SLC25A21: variants seen among roughly 807,000 people sequenced by gnomAD.
SLC25A21 encodes the protein mitochondrial 2-oxodicarboxylate carrier.
SLC25A21 carries 47 observed loss-of-function variants against 43.8 expected under a neutral mutation model. The observed-to-expected ratio is 1.07, with a 90% CI of 0.85 to 1.37. SLC25A21 has a LOEUF of 1.37. SLC25A21 is among the 40% of genes most tolerant of loss of function. The probability of loss-of-function intolerance (pLI) is 0.00; values close to 1 mark genes in which losing one functional copy is unlikely to be tolerated. For synonymous variants in SLC25A21, 131 were observed against 121.3 expected, an observed-to-expected ratio of 1.08 and a Z score of -0.52; for missense variants, 352 against 350.2, an observed-to-expected ratio of 1.00 and a Z score of -0.04.
intron 2 of SLC25A21, among the ~76,000 whole-genome samples, chr14:36,840,982 A>G (rs937090289): frequency 6.6e-6 from 1 of 152,232 alleles, no homozygotes; most frequent in Non-Finnish European, 1.5e-5. Context: ...ATGTACAGCA[A>G]TATGTCTGCC....
chr14:36,921,458 C>T (rs576972499), intron 1 of SLC25A21, among the ~76,000 whole-genome samples: 2 of 152,098 alleles, frequency 1.3e-5, no homozygotes, highest in African/African-American at 4.8e-5. Context: ...CAAACGAGGA[C>T]ATTAGAAATG....
chr14:36,903,680 TA>T (rs36011411), intron 1 of SLC25A21, among the ~76,000 whole-genome samples: 35,287 of 106,838 alleles, frequency 0.33, 5,226 homozygotes, highest in East Asian at 0.64. Flanking sequence ...AGTTTTCACA[TA>T]AAAAAAAATC....
At chr14:37,162,500 C>T (rs1338755029) in intron 1 of SLC25A21, among the ~76,000 whole-genome samples, 1 of 105,078 alleles carries the variant, frequency 9.5e-6, no homozygotes, top group Non-Finnish European at 2.1e-5. Flanking sequence ...AGACACTTCT[C>T]AAAAGAAGAC....
chr14:37,133,181 A>G (rs1044572018), intron 1 of SLC25A21, among the ~76,000 whole-genome samples: 14 of 151,722 alleles, frequency 9.2e-5, no homozygotes, highest in Non-Finnish European at 1.5e-4. Flanking sequence ...ACTCATGCAA[A>G]CACACAAACA....
chr14:36,972,585 GCC>G (rs78454837), intron 1 of SLC25A21, among the ~76,000 whole-genome samples: 13,080 of 152,136 alleles, frequency 0.086, 786 homozygotes, highest in South Asian at 0.23. Context: ...TTCAAGGATG[GCC>G]TTACAGAGAA....
intron 3 of SLC25A21, among the ~76,000 whole-genome samples, chr14:36,775,404 C>T (rs1342160577): frequency 6.6e-6 from 1 of 152,166 alleles, no homozygotes; most frequent in Non-Finnish European, 1.5e-5. Context: ...CGTTTCCCAG[C>T]TAATTTATAT....
At chr14:36,733,924 A>C (rs193132957) in intron 4 of SLC25A21, among the ~76,000 whole-genome samples, 1 of 152,170 alleles carries the variant, frequency 6.6e-6, no homozygotes, top group Non-Finnish European at 1.5e-5. Context: ...CTCTACAGTT[A>C]TGTGGTTAAG....
intron 1 of SLC25A21, among the ~76,000 whole-genome samples, chr14:36,918,941 T>G (rs1334793801): frequency 2.0e-5 from 3 of 152,102 alleles, no homozygotes; most frequent in Admixed American, 6.6e-5. Flanking sequence ...AAAAAGGTTT[T>G]ATGTGATCAG....
chr14:37,033,131 T>C (rs1278455367), intron 1 of SLC25A21, among the ~76,000 whole-genome samples: 1 of 151,568 alleles, frequency 6.6e-6, no homozygotes, highest in Non-Finnish European at 1.5e-5. Context: ...AGCTCTCCGT[T>C]TCCTACTCCA....
chr14:37,004,900 G>A (rs1001546911), intron 1 of SLC25A21, among the ~76,000 whole-genome samples: 1 of 151,098 alleles, frequency 6.6e-6, no homozygotes, highest in Non-Finnish European at 1.5e-5. Context: ...ACCAGAAGGA[G>A]GAATAAGAAG....
At chr14:36,820,988 T>C (rs1036955524) in intron 2 of SLC25A21, among the ~76,000 whole-genome samples, 1 of 152,216 alleles carries the variant, frequency 6.6e-6, no homozygotes, top group African/African-American at 2.4e-5. Context: ...TAAATAAAGA[T>C]TTTAATTCAC....
intron 1 of SLC25A21, among the ~76,000 whole-genome samples, chr14:36,981,841 AAAAAT>A (rs1393878327): frequency 1.3e-5 from 2 of 152,170 alleles, no homozygotes; most frequent in African/African-American, 4.8e-5. Context: ...GTATAATAAT[AAAAAT>A]AAAATTAAAT....
At chr14:36,875,622 T>G (rs1168394826) in intron 1 of SLC25A21, among the ~76,000 whole-genome samples, 4 of 152,198 alleles carry the variant, frequency 2.6e-5, no homozygotes, top group Non-Finnish European at 1.5e-5. Context: ...GAACTTTATG[T>G]GATAGAATGT....
intron 1 of SLC25A21, among the ~76,000 whole-genome samples, chr14:36,961,813 G>T (rs796421105): frequency 4.6e-5 from 7 of 152,300 alleles, no homozygotes; most frequent in African/African-American, 1.7e-4. Flanking sequence ...ATCCTGGGGA[G>T]GTAAGTATTC....
chr14:37,114,415 T>C (rs917906084), intron 1 of SLC25A21, among the ~76,000 whole-genome samples: 1 of 152,228 alleles, frequency 6.6e-6, no homozygotes, highest in Non-Finnish European at 1.5e-5. Flanking sequence ...TTAAATGTGT[T>C]TGTTTTCTAA....
intron 3 of SLC25A21, among the ~76,000 whole-genome samples, chr14:36,789,980 T>A (rs848688): frequency 0.06 from 7,944 of 131,720 alleles, 326 homozygotes; most frequent in Non-Finnish European, 0.086. Flanking sequence ...ATATTAAAAA[T>A]ATATATATAT....
intron 1 of SLC25A21, among the ~76,000 whole-genome samples, chr14:37,119,553 T>TA (rs200108776): frequency 0.16 from 18,278 of 111,052 alleles, 2,787 homozygotes; most frequent in African/African-American, 0.41. Context: ...TGAGACACCA[T>TA]AAAAAAAAAG....
At chr14:36,922,956 C>A (rs1892022567) in intron 1 of SLC25A21, among the ~76,000 whole-genome samples, 1 of 152,022 alleles carries the variant, frequency 6.6e-6, no homozygotes, top group Non-Finnish European at 1.5e-5. Context: ...ATTATACAGA[C>A]ACTGGAAAGC....
intron 3 of SLC25A21, among the ~76,000 whole-genome samples, chr14:36,796,666 G>T (rs950854928): frequency 6.6e-6 from 1 of 151,882 alleles, no homozygotes. Context: ...TCTCAGTGGC[G>T]GCAAGATTCT....
Sources: allele counts gnomAD v4.1 joint callset (sites outside exome capture counted in the v4.1 genomes callset), GRCh38; gene constraint gnomAD v4.1.1; transcripts MANE v1.5; gene names NCBI Gene and HGNC (gene_info 2026-07-23, HGNC 2026-07-21).